The following STPG2 variants were observed in gnomAD, a reference collection of about 807,000 sequenced individuals.
STPG2 encodes the protein sperm-tail PG-rich repeat-containing protein 2.
In STPG2, 56 loss-of-function variants were observed where a neutral mutation model predicts 54.2. The observed-to-expected ratio is 1.03, with a 90% CI of 0.83 to 1.29. The LOEUF (loss-of-function observed/expected upper bound fraction) is 1.29. STPG2 is among the 50% of genes most tolerant of loss of function. The probability of loss-of-function intolerance (pLI) is 0.00; values close to 1 mark genes in which losing one functional copy is unlikely to be tolerated. For missense variants in STPG2, 596 were observed against 544.9 expected, an observed-to-expected ratio of 1.09 and a Z score of -0.93; for synonymous variants, 200 against 181.8, an observed-to-expected ratio of 1.10 and a Z score of -0.81.
intron 9 of STPG2, among the ~76,000 whole-genome samples, chr4:97,780,442 A>C (rs1726561108): frequency 2.9e-5 from 1 of 34,540 alleles, no homozygotes; most frequent in African/African-American, 1.3e-4. Flanking sequence ...AAGTCCTTAG[A>C]GACCTACAAA....
intron 7 of STPG2, among the ~76,000 whole-genome samples, chr4:97,955,029 T>A (rs1733620780): frequency 6.7e-6 from 1 of 150,154 alleles, no homozygotes; most frequent in Admixed American, 6.6e-5. Context: ...GAGAAATGAA[T>A]TATTTAAGAA....
At chr4:97,957,189 A>G (rs1287604726) in intron 7 of STPG2, among the ~76,000 whole-genome samples, 3 of 81,790 alleles carry the variant, frequency 3.7e-5, no homozygotes, top group Non-Finnish European at 8.4e-5. Flanking sequence ...ATATATATGA[A>G]ATGAAGGAAG....
At chr4:98,070,743 T>C (rs1276101899) in intron 5 of STPG2, among the ~76,000 whole-genome samples, 4 of 152,020 alleles carry the variant, frequency 2.6e-5, no homozygotes, top group Admixed American at 2.6e-4. Flanking sequence ...AGCCAAATCA[T>C]GATTGAACTC....
At chr4:97,760,399 G>T (rs1416126269) in intron 9 of STPG2, among the ~76,000 whole-genome samples, 1 of 152,098 alleles carries the variant, frequency 6.6e-6, no homozygotes, top group Non-Finnish European at 1.5e-5. Flanking sequence ...GCCAAGGCAA[G>T]ATCATATCTG....
At chr4:98,130,550 T>TA (rs1451344552) in intron 2 of STPG2, among the ~76,000 whole-genome samples, 2 of 152,088 alleles carry the variant, frequency 1.3e-5, no homozygotes, top group Non-Finnish European at 2.9e-5. Context: ...TGGGATTAAT[T>TA]ACCAAATTAA....
intron 5 of STPG2, among the ~76,000 whole-genome samples, chr4:98,061,111 T>C (rs1737639574): frequency 6.6e-6 from 1 of 152,120 alleles, no homozygotes; most frequent in African/African-American, 2.4e-5. Flanking sequence ...CAAAAGAAAC[T>C]ATGAAAAGGG....
At chr4:97,784,412 T>C (rs1726758758) in intron 9 of STPG2, among the ~76,000 whole-genome samples, 2 of 152,084 alleles carry the variant, frequency 1.3e-5, no homozygotes, top group African/African-American at 4.8e-5. Flanking sequence ...ATTTCACTAT[T>C]AGAGATCTGA....
chr4:97,718,079 G>A (rs1724344517), intron 9 of STPG2, among the ~76,000 whole-genome samples: 1 of 151,736 alleles, frequency 6.6e-6, no homozygotes, highest in African/African-American at 2.4e-5. Flanking sequence ...CCATTCTCAG[G>A]GCTAAATTAG....
intron 5 of STPG2, among the ~76,000 whole-genome samples, chr4:98,058,774 C>T (rs1737557264): frequency 6.6e-6 from 1 of 152,144 alleles, no homozygotes; most frequent in South Asian, 2.1e-4. Flanking sequence ...CTTCTAATCA[C>T]TCCATGGCAC....
At chr4:97,989,152 T>C (rs951724415) in intron 5 of STPG2, among the ~76,000 whole-genome samples, 6 of 152,242 alleles carry the variant, frequency 3.9e-5, no homozygotes, top group African/African-American at 7.2e-5. Context: ...AGCAATGATA[T>C]GTAAGATTTT....
rs544116299 is a variant in STPG2, at chr4:97,934,339, G to A, written c.1044+9558C>T. Among the ~76,000 whole-genome samples the A allele has an allele frequency of 3.9e-4, 60 of 152,220 alleles. No homozygotes were observed. The South Asian group carries it at 0.012, about 29-fold the overall frequency. ...AATCTGACTTCCTCTCTTCCTAGTT[G>A]AATACCCTTTATTTCCTTCTCTTAC... On this transcript the variant is annotated intron_variant, in intron 8 of 10. Transcript: ENST00000295268.
At chr4:97,768,537 G>A (rs773370025) in intron 9 of STPG2, among the ~76,000 whole-genome samples, 1 of 152,134 alleles carries the variant, frequency 6.6e-6, no homozygotes, top group Non-Finnish European at 1.5e-5. Context: ...AAGGAGAAAC[G>A]TGCACATGTG....
chr4:97,662,560 C>T (rs1722405232), intron 10 of STPG2, among the ~76,000 whole-genome samples: 1 of 152,236 alleles, frequency 6.6e-6, no homozygotes, highest in African/African-American at 2.4e-5. Context: ...CACATGTACC[C>T]GTATGTTCAC....
chr4:97,849,663 T>C (rs1174247770), intron 8 of STPG2, among the ~76,000 whole-genome samples: 1 of 151,926 alleles, frequency 6.6e-6, no homozygotes, highest in Admixed American at 6.6e-5. Flanking sequence ...AAAAAACACA[T>C]GAAAAAATGC....
intron 3 of STPG2, among the ~76,000 whole-genome samples, chr4:98,118,081 T>C (rs1258882514): frequency 1.3e-5 from 2 of 152,152 alleles, no homozygotes; most frequent in African/African-American, 2.4e-5. Flanking sequence ...GTTTAGTGAT[T>C]TTCCAAGACT....
chr4:98,126,997 C>T (rs1299309951), intron 3 of STPG2, among the ~76,000 whole-genome samples: 4 of 151,882 alleles, frequency 2.6e-5, no homozygotes, highest in Admixed American at 2.6e-4. Flanking sequence ...CTAATATACT[C>T]ATACGGTTAT....
intron 10 of STPG2, among the ~76,000 whole-genome samples, chr4:97,705,276 T>A (rs2149001135): frequency 6.6e-6 from 1 of 152,262 alleles, no homozygotes; most frequent in Admixed American, 6.5e-5. Flanking sequence ...TACTCTTTTA[T>A]ATTTCATATA....
intron 4 of STPG2, among the ~76,000 whole-genome samples, chr4:97,496,986 C>CTTT (rs370800861): frequency 2.2e-5 from 3 of 136,076 alleles, no homozygotes; most frequent in Non-Finnish European, 3.2e-5. Flanking sequence ...CCATCTTTTC[C>CTTT]TTTTTTTTTT....
chr4:97,632,871 G>A (rs1721337662), intron 10 of STPG2, among the ~76,000 whole-genome samples: 2 of 152,054 alleles, frequency 1.3e-5, no homozygotes, highest in African/African-American at 4.8e-5. Flanking sequence ...CATGACCTCA[G>A]ACATTATCAA....
Sources: allele counts gnomAD v4.1 joint callset (sites outside exome capture counted in the v4.1 genomes callset), GRCh38; gene constraint gnomAD v4.1.1; transcripts MANE v1.5; gene names NCBI Gene and HGNC (gene_info 2026-07-23, HGNC 2026-07-21).